Variants in GTF2I observed in about 807,000 individuals in gnomAD.
The protein encoded by GTF2I is general transcription factor II-I.
In GTF2I, 12 loss-of-function variants were observed where a neutral mutation model predicts 67.6. The ratio of observed to expected loss-of-function variants is 0.18; its 90% CI spans 0.11 to 0.29. The LOEUF is 0.29. Among genes scored for constraint, GTF2I ranks in the 10% least tolerant of loss-of-function variants. The pLI, the probability that GTF2I is intolerant of heterozygous loss-of-function variation, is 1.00. For missense variants in GTF2I, 271 were observed against 580.1 expected (o/e 0.47, Z 5.47); for synonymous variants, 149 against 197.0 (o/e 0.76, Z 2.04).
chr7:74,707,853 A>T (rs1481163139), intron 8 of GTF2I, among the ~76,000 whole-genome samples: 1 of 152,060 alleles, frequency 6.6e-6, no homozygotes, highest in Non-Finnish European at 1.5e-5. Flanking sequence ...GTCTTTATGT[A>T]CACATCAGCA....
chr7:74,717,052 G>A, intron 11 of GTF2I, 102 bp downstream of exon 11: 1 of 1,463,480 alleles, frequency 6.8e-7, no homozygotes, highest in South Asian at 1.3e-5. Flanking sequence ...GAAATAAAAG[G>A]TGATTCCCTT....
At chr7:74,665,161 C>T (rs1483814585) in intron 1 of GTF2I, among the ~76,000 whole-genome samples, 2 of 151,444 alleles carry the variant, frequency 1.3e-5, no homozygotes, top group Admixed American at 6.6e-5. Context: ...AGGCTGGTCT[C>T]GAACTCCTGA....
intron 7 of GTF2I, among the ~76,000 whole-genome samples, chr7:74,706,169 C>T (rs980249767): frequency 5.9e-5 from 9 of 152,364 alleles, no homozygotes; most frequent in Middle Eastern, 3.4e-3. Flanking sequence ...CTGCCCGCCT[C>T]GGCCTCCCAA....
chr7:74,660,617 TTTTC>T (rs1273070434), intron 1 of GTF2I, among the ~76,000 whole-genome samples: 5 of 107,322 alleles, frequency 4.7e-5, no homozygotes, highest in Non-Finnish European at 6.1e-5. Flanking sequence ...TTTTCTTTTC[TTTTC>T]TTTTTTTTTT....
intron 6 of GTF2I, among the ~76,000 whole-genome samples, chr7:74,701,964 C>T (rs1166050123): frequency 6.6e-6 from 1 of 152,184 alleles, no homozygotes; most frequent in Non-Finnish European, 1.5e-5. Context: ...CTGAGCATCA[C>T]TCACTCGAGG....
At chr7:74,697,948 TTG>T (rs1491076590) in intron 3 of GTF2I, among the ~76,000 whole-genome samples, 6 of 147,782 alleles carry the variant, frequency 4.1e-5, no homozygotes, top group Non-Finnish European at 6.1e-5. Flanking sequence ...TTTGTATTTT[TTG>T]TTTGTTTGTT....
intron 12 of GTF2I, among the ~76,000 whole-genome samples, chr7:74,721,266 C>T (rs879987162): frequency 3.3e-5 from 5 of 152,212 alleles, no homozygotes; most frequent in Non-Finnish European, 4.4e-5. Flanking sequence ...GTCTCGAACT[C>T]CTGACCTCAG....
At chr7:74,751,984 GA>G in intron 27 of GTF2I, 105 bp from the exon 28 acceptor site, 1 of 414,708 alleles carries the variant, frequency 2.4e-6, no homozygotes, top group African/African-American at 2.6e-5. Context: ...ACCATGGAAA[GA>G]AAGAACCTTG....
intron 12 of GTF2I, chr7:74,726,941 T>TAGAA (rs587610772): frequency 1.4e-5 from 2 of 146,442 alleles, no homozygotes; most frequent in African/African-American, 5.1e-5. Flanking sequence ...GATAGATAGA[T>TAGAA]AGAAAGAATG....
At chr7:74,664,156 C>T (rs1282110551) in intron 1 of GTF2I, among the ~76,000 whole-genome samples, 3 of 152,114 alleles carry the variant, frequency 2.0e-5, no homozygotes, top group South Asian at 2.1e-4. Context: ...GGTACGTCAT[C>T]GGAAGAGGTG....
At position 74,734,549 on chromosome 7, in the gene GTF2I, G is replaced by C. The variant is rs587603425; in HGVS notation, c.1363+568G>C. 5.3e-5 allele frequency among the ~76,000 whole-genome samples: 8 copies of C among 151,978 alleles called. No homozygotes were observed. In the East Asian group the frequency reaches 1.6e-3, roughly 30 times the overall value. On this transcript the variant is annotated intron_variant, in intron 16 of 34. Coordinates refer to ENST00000573035, the MANE Select transcript of GTF2I (RefSeq NM_032999.4). The stretch of plus-strand genomic sequence containing the variant: ...GCAGTTCTCCTGCCTCAGCCTCCCT[G>C]TAGCTGGGATTACAGGTGCCTGCCA...
chr7:74,685,993 C>T, intron 1 of GTF2I, among the ~76,000 whole-genome samples: 1 of 152,166 alleles, frequency 6.6e-6, no homozygotes, highest in Non-Finnish European at 1.5e-5. Context: ...GCGGAGCTTG[C>T]AGTGAGCCGA....
chr7:74,685,832 T>G (rs1016755581), intron 1 of GTF2I, among the ~76,000 whole-genome samples: 11 of 149,056 alleles, frequency 7.4e-5, no homozygotes, highest in Non-Finnish European at 1.5e-4. Flanking sequence ...GGCGGGCGGA[T>G]CATGAGGTCA....
At chr7:74,660,385 T>C (rs1370525899) in intron 1 of GTF2I, among the ~76,000 whole-genome samples, 1 of 151,656 alleles carries the variant, frequency 6.6e-6, no homozygotes, top group East Asian at 2.0e-4. Flanking sequence ...AGAGACGGTG[T>C]TTCGCCATGT....
chr7:74,668,383 A>C (rs1805175333), intron 1 of GTF2I, among the ~76,000 whole-genome samples: 1 of 151,010 alleles, frequency 6.6e-6, no homozygotes, highest in Non-Finnish European at 1.5e-5. Flanking sequence ...TAATTATATT[A>C]TGGTGTACTT....
chr7:74,681,717 G>C (rs587738851), intron 1 of GTF2I, among the ~76,000 whole-genome samples: 1 of 152,300 alleles, frequency 6.6e-6, no homozygotes, highest in East Asian at 1.9e-4. Flanking sequence ...TTCGAGACCA[G>C]CCTGGCCAAC....
intron 12 of GTF2I, among the ~76,000 whole-genome samples, chr7:74,723,159 T>C (rs1793257244): frequency 6.8e-6 from 1 of 146,642 alleles, no homozygotes; most frequent in Non-Finnish European, 1.5e-5. Flanking sequence ...AGTTTCGCTC[T>C]GTCGCCCAGG....
intron 1 of GTF2I, among the ~76,000 whole-genome samples, chr7:74,686,949 G>T (rs587697822): frequency 1.3e-5 from 2 of 151,864 alleles, no homozygotes; most frequent in South Asian, 4.2e-4. Context: ...GAGTGCTGTG[G>T]CGTGATTTTG....
intron 1 of GTF2I, among the ~76,000 whole-genome samples, chr7:74,684,061 T>C (rs1787485473): frequency 6.6e-6 from 1 of 152,064 alleles, no homozygotes; most frequent in South Asian, 2.1e-4. Context: ...CATCAGAAAG[T>C]AAAGTCAACC....
Sources: gnomAD v4.1 joint callset for allele counts (sites outside exome capture counted in the v4.1 genomes callset) on GRCh38, gnomAD v4.1.1 for gene constraint, MANE v1.5 for transcripts, NCBI Gene and HGNC (gene_info 2026-07-23, HGNC 2026-07-21) for gene names.